The following CNTN5 variants were observed in gnomAD, a reference collection of about 807,000 sequenced individuals.
CNTN5 encodes the protein contactin 5.
Under a neutral mutation model 129.1 loss-of-function variants are expected in CNTN5, and 77 were observed. The observed-to-expected ratio is 0.60, with a 90% CI of 0.50 to 0.72. The LOEUF (loss-of-function observed/expected upper bound fraction) is 0.72. CNTN5 is among the 30% of genes least tolerant of loss of function. The pLI is 0.00. For synonymous variants in CNTN5, 509 were observed against 465.6 expected (o/e 1.09, Z -1.20); for missense variants, 1,478 against 1,328.8 (o/e 1.11, Z -1.75).
intron 3 of CNTN5, among the ~76,000 whole-genome samples, chr11:99,670,403 C>T (rs1449071197): frequency 2.0e-5 from 3 of 152,182 alleles, no homozygotes; most frequent in Non-Finnish European, 4.4e-5. Flanking sequence ...AGGCTGTCAA[C>T]ATTTCTCACC....
At chr11:99,266,306 T>A (rs780102148) in intron 1 of CNTN5, among the ~76,000 whole-genome samples, 2 of 152,092 alleles carry the variant, frequency 1.3e-5, no homozygotes, top group African/African-American at 4.8e-5. Flanking sequence ...TGATTTCAAG[T>A]ATAGAGGACA....
At chr11:99,498,717 A>G (rs1048555462) in intron 2 of CNTN5, among the ~76,000 whole-genome samples, 1 of 152,186 alleles carries the variant, frequency 6.6e-6, no homozygotes, top group Non-Finnish European at 1.5e-5. Flanking sequence ...TGAATACATA[A>G]GCTATTAGGG....
At chr11:99,843,852 T>G (rs1372897065) in intron 4 of CNTN5, among the ~76,000 whole-genome samples, 1 of 152,070 alleles carries the variant, frequency 6.6e-6, no homozygotes, top group Non-Finnish European at 1.5e-5. Flanking sequence ...TCAATGAAAA[T>G]TAAGCAAAAA....
At chr11:99,128,604 C>T (rs533514839) in intron 1 of CNTN5, among the ~76,000 whole-genome samples, 82 of 152,214 alleles carry the variant, frequency 5.4e-4, no homozygotes, top group Non-Finnish European at 9.8e-4. Flanking sequence ...CACAGCACAA[C>T]GGCTCTGCTA....
At position 100,194,178 on chromosome 11, in the gene CNTN5, CTTTTATAT is replaced by C. The variant is rs375848017; in HGVS notation, c.1884+517_1884+524del. 9.7e-4 allele frequency among the ~76,000 whole-genome samples: 148 copies of C among 151,986 alleles called. 3 individuals are homozygous for C. Among genetic ancestry groups the C allele is most frequent in the African/African-American group, 3.3e-3 (135 of 41,478 alleles). On this transcript the variant is annotated intron_variant, in intron 15 of 24. Transcript: ENST00000524871. ...TCTGCCATTTTTTTCTTAATATCTT[CTTTTATAT>C]TGTGTACCTACATGGCAATCAACCA...
rs561243392 is a variant in CNTN5, at chr11:99,873,929, G to A, written c.577+28667G>A. On this transcript the variant is annotated intron_variant, in intron 6 of 24. Transcript: ENST00000524871. Reference sequence around the variant, plus strand: ...CTTTGCAGCAACATGAATGGAGTTGGAGGCCATTATCCTAAGTGAACTAAC... The same window carrying A: ...CTTTGCAGCAACATGAATGGAGTTGAAGGCCATTATCCTAAGTGAACTAAC... 2.0e-5 allele frequency among the ~76,000 whole-genome samples: 3 copies of A among 152,194 alleles called. No homozygotes were observed. The East Asian group carries it at 5.8e-4, about 29-fold the overall frequency.
At chr11:99,907,703 A>C (rs1949546503) in intron 6 of CNTN5, among the ~76,000 whole-genome samples, 1 of 151,926 alleles carries the variant, frequency 6.6e-6, no homozygotes, top group Non-Finnish European at 1.5e-5. Flanking sequence ...TATATGACAC[A>C]TTTTCTCAAC....
chr11:99,267,138 G>A (rs1171147288), intron 1 of CNTN5, among the ~76,000 whole-genome samples: 4 of 151,982 alleles, frequency 2.6e-5, no homozygotes, highest in African/African-American at 9.7e-5. Flanking sequence ...ATACCACGAA[G>A]CCAGCTAGAC....
chr11:100,113,971 T>C (rs1472589014), intron 13 of CNTN5, among the ~76,000 whole-genome samples: 1 of 152,116 alleles, frequency 6.6e-6, no homozygotes, highest in Non-Finnish European at 1.5e-5. Flanking sequence ...GTAGAGCCAT[T>C]TGAGACCTCA....
intron 6 of CNTN5, among the ~76,000 whole-genome samples, chr11:99,890,366 T>C (rs1949024915): frequency 6.6e-6 from 1 of 152,072 alleles, no homozygotes; most frequent in Non-Finnish European, 1.5e-5. Context: ...TAAAGAAATA[T>C]ATTCCTTCTC....
chr11:100,354,274 G>T (rs1300196628), intron 24 of CNTN5, among the ~76,000 whole-genome samples: 1 of 151,524 alleles, frequency 6.6e-6, no homozygotes, highest in Non-Finnish European at 1.5e-5. Flanking sequence ...AAGACTTCTG[G>T]CTTGAAGAAC....
intron 21 of CNTN5, among the ~76,000 whole-genome samples, chr11:100,329,795 A>G (rs902204526): frequency 6.6e-6 from 1 of 152,194 alleles, no homozygotes; most frequent in African/African-American, 2.4e-5. Flanking sequence ...ACATCAAGGG[A>G]GCACCCCATA....
chr11:99,215,245 A>G (rs1003565291), intron 1 of CNTN5, among the ~76,000 whole-genome samples: 3 of 152,148 alleles, frequency 2.0e-5, no homozygotes, highest in African/African-American at 7.2e-5. Flanking sequence ...CTAAAATTTT[A>G]GTTTGTTCCA....
intron 3 of CNTN5, among the ~76,000 whole-genome samples, chr11:99,730,297 G>A (rs533286613): frequency 2.2e-4 from 33 of 152,322 alleles, no homozygotes; most frequent in East Asian, 1.5e-3. Context: ...GTGTGATAAT[G>A]CAGAAGCATC....
rs1861303988 is a variant in CNTN5, at chr11:99,236,979, T to C, written c.-209-88367T>C. ...ATGTTTATTGAGTTTGTTCCTGTGA[T>C]TTAAATTTTTCTTTTTTTTCTTATG... On this transcript the variant is annotated intron_variant, in intron 1 of 24. Transcript: ENST00000524871. 3.3e-5 allele frequency among the ~76,000 whole-genome samples: 5 copies of C among 152,264 alleles called. No individual in the cohort carries two copies. In the South Asian group the frequency reaches 1.0e-3, roughly 32 times the overall value.
intron 1 of CNTN5, among the ~76,000 whole-genome samples, chr11:99,241,317 G>GTTTTTT (rs1565430527): frequency 1.0e-4 from 6 of 60,112 alleles, no homozygotes; most frequent in African/African-American, 3.3e-4. Flanking sequence ...TTTGATTGTT[G>GTTTTTT]GTTTTTTTTT....
At chr11:100,013,712 G>A (rs1253195394) in intron 9 of CNTN5, among the ~76,000 whole-genome samples, 4 of 152,084 alleles carry the variant, frequency 2.6e-5, no homozygotes, top group African/African-American at 9.7e-5. Context: ...TTCCCACTGA[G>A]TATTCTACTA....
At chr11:99,484,492 A>G (rs192080758) in intron 2 of CNTN5, among the ~76,000 whole-genome samples, 1 of 152,278 alleles carries the variant, frequency 6.6e-6, no homozygotes, top group East Asian at 1.9e-4. Flanking sequence ...AAAACTATAA[A>G]CAGTGTTACC....
At chr11:99,562,754 C>T (rs1170703158) in intron 3 of CNTN5, among the ~76,000 whole-genome samples, 2 of 152,072 alleles carry the variant, frequency 1.3e-5, no homozygotes, top group South Asian at 2.1e-4. Context: ...TGGTTTCTTA[C>T]CTTGCTTATA....
Sources: allele counts gnomAD v4.1 joint callset (sites outside exome capture counted in the v4.1 genomes callset), GRCh38; gene constraint gnomAD v4.1.1; transcripts MANE v1.5; gene names NCBI Gene and HGNC (gene_info 2026-07-23, HGNC 2026-07-21).